The following CD81 variants were observed in gnomAD, a reference collection of about 807,000 sequenced individuals.
CD81 encodes CD81 antigen.
In CD81, 10 loss-of-function variants were observed where a neutral mutation model predicts 30.1. The observed-to-expected ratio is 0.33, with a 90% CI of 0.21 to 0.56. The LOEUF is 0.56. Among genes scored for constraint, CD81 ranks in the 20% least tolerant of loss-of-function variants. The pLI is 0.89. For synonymous variants in CD81, 147 were observed against 126.4 expected, an observed-to-expected ratio of 1.16 and a Z score of -1.10; for missense variants, 263 against 308.7, an observed-to-expected ratio of 0.85 and a Z score of 1.11.
intron 1 of CD81, 103 bp from the exon 2 acceptor site, chr11:2,390,309 G>A (rs1392111299): frequency 2.2e-6 from 2 of 902,188 alleles, no homozygotes; most frequent in Non-Finnish European, 1.8e-6. Flanking sequence ...CCCTGCTCGG[G>A]AGCCAGCAAG....
intron 2 of CD81, chr11:2,393,593 C>T (rs1026619366): frequency 2.2e-6 from 1 of 450,484 alleles, no homozygotes; most frequent in Non-Finnish European, 4.0e-6. Flanking sequence ...TCTTCTCGCA[C>T]CACACTGGGG....
chr11:2,393,978 G>A, intron 2 of CD81, 117 bp from the exon 3 acceptor site: 1 of 792,700 alleles, frequency 1.3e-6, no homozygotes. Flanking sequence ...CTGGCAGTCA[G>A]CAACCCTACA....
Position 2,378,897 on chromosome 11 carries a change from G to A in CD81, c.66+1282G>A, listed in dbSNP as rs1317052125. ...AGGATCCCAGTGCGGATGATTATTTGGAGGGGGAAGGACGGAGGCTGAACT... is the reference window on the plus strand; with the variant it reads ...AGGATCCCAGTGCGGATGATTATTTAGAGGGGGAAGGACGGAGGCTGAACT... On this transcript the variant is annotated intron_variant, in intron 1 of 7. Coordinates refer to ENST00000263645, the MANE Select transcript of CD81 (RefSeq NM_004356.4). This position sits in a 1 kb window ranked among gnomAD's most constrained non-coding sequence, Gnocchi z 4.9. Among the ~76,000 whole-genome samples the A allele has an allele frequency of 1.3e-5, 2 of 152,236 alleles. No individual in the cohort carries two copies. Among genetic ancestry groups the A allele is most frequent in the Non-Finnish European group, 2.9e-5 (2 of 68,034 alleles).
intron 6 of CD81, 131 bp downstream of exon 6, chr11:2,396,101 GCTGCTCTGCT>G: frequency 1.5e-6 from 1 of 667,388 alleles, no homozygotes; most frequent in East Asian, 3.0e-5. Flanking sequence ...CCCTGTCAGG[GCTGCTCTGCT>G]GGGAGGGTTG....
At chr11:2,385,078 G>A (rs951918291) in intron 1 of CD81, among the ~76,000 whole-genome samples, 11 of 152,144 alleles carry the variant, frequency 7.2e-5, no homozygotes, top group Non-Finnish European at 1.5e-4. Flanking sequence ...CCTGGGAAGC[G>A]TTGGCTCTGC....
intron 2 of CD81, chr11:2,390,996 CCCTGCAGGCAGCTGCA>C (rs1467940617): frequency 3.8e-6 from 1 of 265,222 alleles, no homozygotes; most frequent in Non-Finnish European, 7.4e-6. Context: ...ACTCAGCTGC[CCCTGCAGGCAGCTGCA>C]CCTTGCTGCC....
intron 1 of CD81, 50 bp from the exon 2 acceptor site, chr11:2,390,362 C>G (rs1416702663): frequency 1.4e-6 from 2 of 1,452,018 alleles, no homozygotes; most frequent in Non-Finnish European, 1.9e-6. Context: ...GGGCGCACTC[C>G]CTGCTGCAGT....
intron 3 of CD81, chr11:2,394,716 C>T (rs1470916220): frequency 1.3e-5 from 8 of 597,838 alleles, no homozygotes; most frequent in Non-Finnish European, 2.1e-5. Context: ...AAACCACACG[C>T]CCCGCCCCAT....
rs1338895236 is a variant in CD81, at chr11:2,395,412, C to G, written c.355-4C>G. On this transcript the variant is annotated splice_polypyrimidine_tract_variant and splice_region_variant and intron_variant, in intron 4 of 7. Coordinates refer to ENST00000263645, the MANE Select transcript of CD81 (RefSeq NM_004356.4). Reference sequence around the variant, plus strand: ...CTGTGCATGTGACCGCACCCCTCCCCCAGATCGCCAAGGATGTGAAGCAGT... The same window carrying G: ...CTGTGCATGTGACCGCACCCCTCCCGCAGATCGCCAAGGATGTGAAGCAGT... The G allele has an allele frequency of 3.7e-6, 6 of 1,610,930 alleles. No homozygotes were observed. The African/African-American group carries it at 4.0e-5, about 11-fold the overall frequency.
chr11:2,376,295 A>G (rs1225853195), upstream of CD81: 1 of 152,256 alleles, frequency 6.6e-6, no homozygotes, highest in East Asian at 1.9e-4. Flanking sequence ...GGGTTGGACG[A>G]CACTTGCCAA....
At chr11:2,380,466 C>T (rs1849686052) in intron 1 of CD81, among the ~76,000 whole-genome samples, 1 of 152,180 alleles carries the variant, frequency 6.6e-6, no homozygotes, top group South Asian at 2.1e-4. Flanking sequence ...CACTCACACT[C>T]TTGCTGTCTC....
At chr11:2,394,004 G>A (rs533912152) in intron 2 of CD81, 91 bp from the exon 3 acceptor site, 13 of 913,396 alleles carry the variant, frequency 1.4e-5, no homozygotes, top group South Asian at 9.1e-5. Context: ...CCAGCTGGGC[G>A]GCCCGTGGTG....
At chr11:2,393,875 C>T (rs763848927) in intron 2 of CD81, 1 of 693,022 alleles carries the variant, frequency 1.4e-6, no homozygotes. Context: ...CATGTGGCCT[C>T]CTTAGTCTCC....
At chr11:2,394,356 C>G (rs538299316) in intron 3 of CD81, among the ~76,000 whole-genome samples, 164 bp downstream of exon 3, 1 of 152,182 alleles carries the variant, frequency 6.6e-6, no homozygotes, top group African/African-American at 2.4e-5. Context: ...TAAATCCCAC[C>G]GTGCTTGGTC....
chr11:2,377,131 T>C (rs538421507), upstream of CD81, among the ~76,000 whole-genome samples: 808 of 151,824 alleles, frequency 5.3e-3, 5 homozygotes, highest in Non-Finnish European at 8.9e-3. This position sits in a 1 kb window ranked among gnomAD's most constrained non-coding sequence, Gnocchi z 7.7. Context: ...ACCTGGGCCC[T>C]GAGGTCCTGG....
chr11:2,396,015 G>C, intron 6 of CD81, 45 bp downstream of exon 6: 1 of 1,317,716 alleles, frequency 7.6e-7, no homozygotes, highest in African/African-American at 1.4e-5. Context: ...CGCATGTCCC[G>C]CCCCTGGGTG....
At chr11:2,393,767 G>C in intron 2 of CD81, 2 of 608,022 alleles carry the variant, frequency 3.3e-6, no homozygotes, top group East Asian at 2.8e-5. Context: ...TGCAGGCGGT[G>C]GGTGGTGGGT....
intron 1 of CD81, chr11:2,386,442 G>A (rs1849799196): frequency 3.0e-6 from 2 of 677,466 alleles, no homozygotes; most frequent in Admixed American, 4.1e-5. Flanking sequence ...CGGGGCTTGG[G>A]GATTTGGTGC....
In CD81 at chr11:2,378,954, C is replaced by T. The variant is rs1030753879; in HGVS notation, c.66+1339C>T. The stretch of plus-strand genomic sequence containing the variant: ...TCAGCTGGGAGATGAGTGGGGCAGT[C>T]ACATCCCACCTTCCCCAAGCCGGGC... On this transcript the variant is annotated intron_variant, in intron 1 of 7. Coordinates refer to ENST00000263645, the MANE Select transcript of CD81 (RefSeq NM_004356.4). This position sits in a 1 kb window ranked among gnomAD's most constrained non-coding sequence, Gnocchi z 4.9. 5.9e-5 allele frequency among the ~76,000 whole-genome samples: 9 copies of T among 152,226 alleles called. No homozygotes were observed. The highest frequency in any genetic ancestry group is 1.3e-4 in the Non-Finnish European group (9 of 68,042).
Sources: gnomAD v4.1 joint callset for allele counts (sites outside exome capture counted in the v4.1 genomes callset) on GRCh38, gnomAD v4.1.1 for gene constraint, Gnocchi (gnomAD v3.1) non-coding constraint, MANE v1.5 for transcripts, NCBI Gene and HGNC (gene_info 2026-07-23, HGNC 2026-07-21) for gene names.